The following GSE1 variants were observed in gnomAD, a reference collection of about 807,000 sequenced individuals.
GSE1 encodes Gse1 coiled-coil protein.
A neutral mutation model predicts 112.6 loss-of-function variants in GSE1; 32 were observed. The observed-to-expected ratio is 0.28, with a 90% CI of 0.21 to 0.38. The LOEUF is 0.38. Among genes scored for constraint, GSE1 ranks in the 10% least tolerant of loss-of-function variants. The pLI is 1.00. For synonymous variants in GSE1, 1,115 were observed against 735.6 expected, an observed-to-expected ratio of 1.52 and a Z score of -8.35; for missense variants, 2,348 against 1,699.2, an observed-to-expected ratio of 1.38 and a Z score of -6.71.
intron 1 of GSE1, among the ~76,000 whole-genome samples, chr16:85,197,046 G>A (rs948527054): frequency 2.6e-5 from 4 of 152,158 alleles, no homozygotes; most frequent in African/African-American, 9.7e-5. Flanking sequence ...TGCGTTTCCT[G>A]TGGGGTCAGA....
At chr16:85,618,727 A>G (rs530660250) in intron 1 of GSE1, among the ~76,000 whole-genome samples, 13 of 152,260 alleles carry the variant, frequency 8.5e-5, no homozygotes, top group Admixed American at 2.6e-4. Context: ...GTGCGATCAC[A>G]GCTCACCACA....
chr16:85,570,501 C>T (rs2045939680), intron 1 of GSE1, among the ~76,000 whole-genome samples: 1 of 152,194 alleles, frequency 6.6e-6, no homozygotes, highest in Admixed American at 6.5e-5. Context: ...TTTTATTTGG[C>T]TATTGAAACC....
chr16:85,187,557 C>T (rs141508880), intron 1 of GSE1, among the ~76,000 whole-genome samples: 1 of 152,384 alleles, frequency 6.6e-6, no homozygotes, highest in African/African-American at 2.4e-5. Context: ...GAGTACTATC[C>T]CTTTCCTGTG....
chr16:85,395,038 G>A (rs975290090), intron 2 of GSE1, among the ~76,000 whole-genome samples: 1 of 152,146 alleles, frequency 6.6e-6, no homozygotes, highest in Non-Finnish European at 1.5e-5. Context: ...AAGCACCTGG[G>A]CATTCTCGAC....
intron 1 of GSE1, among the ~76,000 whole-genome samples, chr16:85,616,553 G>C (rs1474620716): frequency 6.6e-6 from 1 of 152,246 alleles, no homozygotes; most frequent in African/African-American, 2.4e-5. Flanking sequence ...GGCAACAGCA[G>C]GGTCCTCTGA....
intron 3 of GSE1, among the ~76,000 whole-genome samples, chr16:85,653,421 G>A (rs796561541): frequency 9.4e-5 from 14 of 148,706 alleles, no homozygotes; most frequent in African/African-American, 3.5e-4. Context: ...GCCTCTGCGT[G>A]GCTAGGGGTG....
chr16:85,565,406 CA>C (rs71153804), intron 1 of GSE1, among the ~76,000 whole-genome samples: 6 of 141,880 alleles, frequency 4.2e-5, no homozygotes, highest in African/African-American at 8.4e-5. Context: ...AAAAAAAAAA[CA>C]AAAAAAAACA....
chr16:85,616,005 T>C (rs777206059), intron 1 of GSE1, among the ~76,000 whole-genome samples: 1 of 152,218 alleles, frequency 6.6e-6, no homozygotes, highest in Non-Finnish European at 1.5e-5. Context: ...GTCACTTCCC[T>C]GTCTCTGGGG....
At chr16:85,573,374 C>T (rs1297158242) in intron 1 of GSE1, among the ~76,000 whole-genome samples, 4 of 152,172 alleles carry the variant, frequency 2.6e-5, no homozygotes, top group Admixed American at 1.3e-4. Flanking sequence ...CTGTTGATGA[C>T]GTTCAGCTTG....
Position 85,373,393 on chromosome 16 carries a change from A to G in GSE1, c.2464+15750A>G, listed in dbSNP as rs1461480015. The stretch of plus-strand genomic sequence containing the variant: ...TGGTGTCTTCTCTTGTCAAACAGAC[A>G]AAAAATGGAAAGAAAGCAAGGGAGG... On this transcript the variant is annotated intron_variant, in intron 2 of 2. Transcript: ENST00000637419. This position sits in a 1 kb window ranked among gnomAD's most constrained non-coding sequence, Gnocchi z 5.1. 6.6e-6 allele frequency among the ~76,000 whole-genome samples: 1 copy of G among 152,184 alleles called. No individual in the cohort carries two copies. Among genetic ancestry groups the G allele is most frequent in the East Asian group, 1.9e-4 (1 of 5,190 alleles).
intron 2 of GSE1, among the ~76,000 whole-genome samples, chr16:85,506,155 C>G (rs1170785184): frequency 6.6e-6 from 1 of 152,156 alleles, no homozygotes; most frequent in Non-Finnish European, 1.5e-5. Flanking sequence ...TATGGTAGCT[C>G]TGGCCAGCGG....
At chr16:85,386,739 G>T (rs1251154865) in intron 2 of GSE1, among the ~76,000 whole-genome samples, 1 of 152,220 alleles carries the variant, frequency 6.6e-6, no homozygotes, top group Non-Finnish European at 1.5e-5. Context: ...ACCTCACTTA[G>T]TGGGTGCTGG....
chr16:85,636,109 GTGGCCCTGCTCCCTCCCAGCTGCAACCT>G (rs1351259933), intron 2 of GSE1, among the ~76,000 whole-genome samples: 2 of 152,230 alleles, frequency 1.3e-5, no homozygotes, highest in Non-Finnish European at 2.9e-5. Flanking sequence ...CCATGGCCTC[GTGGCCCTGCTCCCTCCCAGCTGCAACCT>G]GGGCACTGGG....
At chr16:85,512,712 A>G (rs1372238858) in intron 2 of GSE1, among the ~76,000 whole-genome samples, 1 of 152,142 alleles carries the variant, frequency 6.6e-6, no homozygotes, top group African/African-American at 2.4e-5. Context: ...GTCCACTCCG[A>G]TATCAAAGCG....
chr16:85,203,111 C>T (rs1408937519), intron 1 of GSE1, among the ~76,000 whole-genome samples: 9 of 152,038 alleles, frequency 5.9e-5, no homozygotes, highest in African/African-American at 1.7e-4. Context: ...CTGCTTTGGC[C>T]CTGGGTCCTC....
chr16:85,595,978 A>C (rs1158301976), intron 1 of GSE1, among the ~76,000 whole-genome samples: 2 of 74,040 alleles, frequency 2.7e-5, no homozygotes, highest in Admixed American at 3.5e-4. Context: ...TCCTCTATCC[A>C]CCCACTCATT....
rs369793472 is a variant in GSE1 at position 85,672,658 on chromosome 16, C to T, written c.*119C>T. The T allele has an allele frequency of 1.4e-4, 94 of 663,952 alleles. 1 individual carries two copies. In the African/African-American group the frequency reaches 1.6e-3, roughly 11 times the overall value. 41.1% of individuals were successfully genotyped at this position (663,952 alleles called of 1,614,324 possible). A position where few individuals can be genotyped will look rare whatever the true frequency, so the allele number is the denominator to read the frequency against. ...GCTTACAAAATGAGAATGTGCCATG[C>T]ATGAAGCAAAGGATTCCAGGCTCCA... On this transcript the variant is annotated 3_prime_UTR_variant, in exon 16 of 16. Coordinates refer to ENST00000253458, the MANE Select transcript of GSE1 (RefSeq NM_014615.5).
rs761259240 is a variant in GSE1, at chr16:85,656,388, C to CGAGCGCGAGCGT, written c.1041_1052dup (p.Arg349_Glu352dup). 25 of 1,560,076 alleles carry CGAGCGCGAGCGT rather than the reference C, an allele frequency of 1.6e-5. No individual in the cohort carries two copies. The East Asian group carries it at 4.2e-4, about 26-fold the overall frequency. ...TAAGGCGGGAGAGGGAGCGCGAGCG[C>CGAGCGCGAGCGT]GAGCGCGAGCGTGAGCGTGAGGCTG... On this transcript the variant is annotated inframe_insertion, in exon 7 of 16. Coordinates refer to ENST00000253458, the MANE Select transcript of GSE1 (RefSeq NM_014615.5).
intron 2 of GSE1, among the ~76,000 whole-genome samples, chr16:85,426,845 C>T (rs1036249000): frequency 3.9e-5 from 6 of 152,176 alleles, no homozygotes; most frequent in Admixed American, 2.0e-4. Flanking sequence ...CTTCTGGTGG[C>T]TCATGCATCC....
Sources: allele counts gnomAD v4.1 joint callset (sites outside exome capture counted in the v4.1 genomes callset), GRCh38; gene constraint gnomAD v4.1.1; non-coding constraint Gnocchi (gnomAD v3.1); transcripts MANE v1.5; gene names NCBI Gene and HGNC (gene_info 2026-07-23, HGNC 2026-07-21).